Variants in CACNA2D3 observed in about 807,000 individuals in gnomAD.
The protein encoded by CACNA2D3 is voltage-dependent calcium channel subunit alpha-2/delta-3.
CACNA2D3 carries 60 observed loss-of-function variants against 160.6 expected under a neutral mutation model. That is an observed-to-expected ratio of 0.37 (90% CI 0.30 to 0.46). The LOEUF is 0.46. Among genes scored for constraint, CACNA2D3 ranks in the 20% least tolerant of loss-of-function variants. The probability of loss-of-function intolerance (pLI) is 1.00; values close to 1 mark genes in which losing one functional copy is unlikely to be tolerated. For missense variants in CACNA2D3, 1,205 were observed against 1,365.0 expected (o/e 0.88, Z 1.85); for synonymous variants, 558 against 492.9 (o/e 1.13, Z -1.75).
At chr3:54,249,900 G>T (rs113404053) in intron 2 of CACNA2D3, among the ~76,000 whole-genome samples, 17 of 152,080 alleles carry the variant, frequency 1.1e-4, no homozygotes, top group African/African-American at 4.1e-4. Context: ...ATGCCATGAT[G>T]AAACTTTTGC....
At chr3:54,722,545 A>C (rs1701188125) in intron 11 of CACNA2D3, among the ~76,000 whole-genome samples, 1 of 151,920 alleles carries the variant, frequency 6.6e-6, no homozygotes, top group African/African-American at 2.4e-5. Flanking sequence ...ATCTTTGTGG[A>C]GTTATCTACC....
At position 54,454,327 on chromosome 3, in the gene CACNA2D3, G is replaced by A. The variant is rs1267153449; in HGVS notation, c.382-49165G>A. Among the ~76,000 whole-genome samples, 5 of 152,002 alleles carry A rather than the reference G, an allele frequency of 3.3e-5. No individual in the cohort carries two copies. In the East Asian group the frequency reaches 5.8e-4, roughly 18 times the overall value. Reference sequence around the variant, plus strand: ...AGCCAACATCAAAATCATTACAAACGACATTTCCCTCCCTCACCCCCAAAA... The same window carrying A: ...AGCCAACATCAAAATCATTACAAACAACATTTCCCTCCCTCACCCCCAAAA... On this transcript the variant is annotated intron_variant, in intron 4 of 37. Transcript: ENST00000474759.
At chr3:54,658,360 A>G (rs1699909901) in intron 11 of CACNA2D3, among the ~76,000 whole-genome samples, 1 of 152,162 alleles carries the variant, frequency 6.6e-6, no homozygotes, top group African/African-American at 2.4e-5. Context: ...CTTTTTGGTA[A>G]TAGCCATCCT....
intron 13 of CACNA2D3, among the ~76,000 whole-genome samples, chr3:54,816,257 A>C (rs887353636): frequency 1.3e-5 from 2 of 152,206 alleles, no homozygotes; most frequent in Admixed American, 1.3e-4. Context: ...TGACTTTAAA[A>C]ACAAGCATTT....
chr3:54,534,753 T>A (rs1197455951), intron 5 of CACNA2D3, among the ~76,000 whole-genome samples: 1 of 119,710 alleles, frequency 8.4e-6, no homozygotes, highest in Non-Finnish European at 1.8e-5. Flanking sequence ...CAAAACGTTG[T>A]CTCTACAAAA....
intron 9 of CACNA2D3, among the ~76,000 whole-genome samples, chr3:54,622,583 GTTT>G (rs34935973): frequency 0.019 from 1,612 of 83,456 alleles, 30 homozygotes; most frequent in African/African-American, 0.045. Flanking sequence ...CCAGTTTTTG[GTTT>G]TTTTTTTTTT....
chr3:54,563,640 A>G (rs1285249904), intron 6 of CACNA2D3, among the ~76,000 whole-genome samples: 1 of 152,236 alleles, frequency 6.6e-6, no homozygotes, highest in Non-Finnish European at 1.5e-5. Flanking sequence ...ACAAGTTGTG[A>G]AAACAGGACT....
At chr3:54,822,911 A>G (rs1272259309) in intron 14 of CACNA2D3, among the ~76,000 whole-genome samples, 4 of 148,114 alleles carry the variant, frequency 2.7e-5, no homozygotes, top group Admixed American at 1.4e-4. Flanking sequence ...CTGGAGTGCA[A>G]TTGCGCGATC....
intron 12 of CACNA2D3, among the ~76,000 whole-genome samples, chr3:54,760,166 A>C (rs1702054705): frequency 6.6e-6 from 1 of 152,202 alleles, no homozygotes; most frequent in South Asian, 2.1e-4. Context: ...ATGATGGATG[A>C]GTCCTCTGAA....
chr3:54,902,635 G>T (rs1288967774), intron 27 of CACNA2D3, among the ~76,000 whole-genome samples: 1 of 152,222 alleles, frequency 6.6e-6, no homozygotes, highest in African/African-American at 2.4e-5. Flanking sequence ...GGAACCTTCT[G>T]TTGTGTCAGG....
intron 9 of CACNA2D3, among the ~76,000 whole-genome samples, chr3:54,596,434 T>C (rs1158785138): frequency 6.6e-6 from 1 of 152,082 alleles, no homozygotes; most frequent in Non-Finnish European, 1.5e-5. Context: ...AATGGCAAAC[T>C]CCCTATTAGT....
At chr3:54,444,752 A>G (rs1337696076) in intron 4 of CACNA2D3, among the ~76,000 whole-genome samples, 3 of 152,196 alleles carry the variant, frequency 2.0e-5, no homozygotes, top group South Asian at 2.1e-4. Flanking sequence ...AGAGCTGTCT[A>G]CTTCTGAATA....
chr3:54,739,412 T>G (rs1701596662), intron 11 of CACNA2D3, among the ~76,000 whole-genome samples: 6 of 111,920 alleles, frequency 5.4e-5, no homozygotes, highest in Non-Finnish European at 8.5e-5. Flanking sequence ...AGAGGGAGAG[T>G]GAGACTCTGT....
intron 17 of CACNA2D3, among the ~76,000 whole-genome samples, chr3:54,859,972 G>GCACACACACACACACACACA (rs1553891454): frequency 1.5e-5 from 2 of 133,788 alleles, no homozygotes; most frequent in African/African-American, 5.6e-5. Context: ...GAAAGTAGAT[G>GCACACACACACACACACACA]CACACACACA....
At chr3:54,383,964 A>T (rs559876664) in intron 3 of CACNA2D3, among the ~76,000 whole-genome samples, 5 of 152,364 alleles carry the variant, frequency 3.3e-5, no homozygotes, top group Middle Eastern at 3.4e-3. Flanking sequence ...TGTACAGTAT[A>T]CATATATATA....
intron 4 of CACNA2D3, among the ~76,000 whole-genome samples, chr3:54,443,167 T>C (rs1226627479): frequency 6.6e-6 from 1 of 152,198 alleles, no homozygotes; most frequent in Non-Finnish European, 1.5e-5. Flanking sequence ...ACTTCTCTTA[T>C]TTTATTGGTG....
intron 13 of CACNA2D3, among the ~76,000 whole-genome samples, chr3:54,809,255 T>TCTTC (rs149093173): frequency 8.6e-4 from 128 of 149,086 alleles, no homozygotes; most frequent in Non-Finnish European, 1.5e-3. Flanking sequence ...TCTCTTCCTT[T>TCTTC]CTTCCTTCCT....
chr3:54,442,148 A>G (rs555953703), intron 4 of CACNA2D3, among the ~76,000 whole-genome samples: 4 of 152,166 alleles, frequency 2.6e-5, no homozygotes, highest in South Asian at 4.2e-4. Flanking sequence ...AGTAGTGGCT[A>G]TATCTAGTGG....
chr3:54,611,177 T>A (rs909282240), intron 9 of CACNA2D3, among the ~76,000 whole-genome samples: 5 of 152,240 alleles, frequency 3.3e-5, no homozygotes, highest in African/African-American at 4.8e-5. Context: ...AAAGTGTGAA[T>A]ACAGCCTAGC....
Sources: allele counts gnomAD v4.1 joint callset (sites outside exome capture counted in the v4.1 genomes callset), GRCh38; gene constraint gnomAD v4.1.1; transcripts MANE v1.5; gene names NCBI Gene and HGNC (gene_info 2026-07-23, HGNC 2026-07-21).